Variants in TENM4 observed in about 807,000 individuals in gnomAD.
The protein encoded by TENM4 is teneurin transmembrane protein 4.
Under a neutral mutation model 243.3 loss-of-function variants are expected in TENM4, and 82 were observed. That is an observed-to-expected ratio of 0.34 (90% CI 0.28 to 0.40). The LOEUF is 0.40. Among genes scored for constraint, TENM4 ranks in the 10% least tolerant of loss-of-function variants. The pLI is 1.00. For missense variants in TENM4, 3,138 were observed against 3,673.3 expected (o/e 0.85, Z 3.77); for synonymous variants, 1,412 against 1,456.3 (o/e 0.97, Z 0.69).
chr11:78,910,231 A>G (rs1395829115), intron 6 of TENM4, among the ~76,000 whole-genome samples: 1 of 152,230 alleles, frequency 6.6e-6, no homozygotes, highest in Admixed American at 6.5e-5. Context: ...TCTCCTTGCT[A>G]CGGAGCTAAT....
At chr11:78,769,876 A>G (rs1424866616) in intron 18 of TENM4, among the ~76,000 whole-genome samples, 1 of 152,262 alleles carries the variant, frequency 6.6e-6, no homozygotes, top group Non-Finnish European at 1.5e-5. Flanking sequence ...AATAAACCAC[A>G]GAAATCACAA....
intron 7 of TENM4, among the ~76,000 whole-genome samples, chr11:78,894,269 G>A (rs1855737886): frequency 6.6e-6 from 1 of 152,140 alleles, no homozygotes; most frequent in Non-Finnish European, 1.5e-5. Context: ...TGCATGGCAT[G>A]CTCCCTAGAA....
rs767129747 is a variant in TENM4, at chr11:78,701,830, G to A, written c.4783C>T (p.His1595Tyr). The A allele has an allele frequency of 6.2e-7, 1 of 1,614,038 alleles. No homozygotes were observed. ...GTGGGCAGGCTTTGGGTGTACAGGT[G>A]CTTGCCGGTGGTATCAAACAGATAG... ...ELYLFDTTGK[H>Y]LYTQSLPTGD... Residue 1595 changes from histidine to tyrosine, a missense_variant, in exon 28 of 34, where the codon CAC becomes TAC. By Grantham distance (83) the His-to-Tyr change is moderately conservative. This residue lies in a region of TENM4 where 2,467 missense variants were observed against 3,059.1 expected (regional missense o/e 0.81). Coordinates refer to ENST00000278550, the MANE Select transcript of TENM4 (RefSeq NM_001098816.3).
At chr11:78,675,204 C>T (rs1434062401) in intron 30 of TENM4, among the ~76,000 whole-genome samples, 2 of 152,132 alleles carry the variant, frequency 1.3e-5, no homozygotes, top group Non-Finnish European at 2.9e-5. Context: ...CTATGAGACT[C>T]TGGAAAAATC....
At chr11:79,338,351 C>A (rs1857187897) in intron 1 of TENM4, among the ~76,000 whole-genome samples, 1 of 152,192 alleles carries the variant, frequency 6.6e-6, no homozygotes, top group South Asian at 2.1e-4. Context: ...TGAAAAGCAG[C>A]TGCTGTCAGC....
chr11:78,815,034 T>C (rs1857574997), intron 12 of TENM4, among the ~76,000 whole-genome samples: 1 of 152,144 alleles, frequency 6.6e-6, no homozygotes. Context: ...TTAAAACCCT[T>C]CAAGGGCTCC....
intron 12 of TENM4, among the ~76,000 whole-genome samples, chr11:78,824,036 G>C (rs934314503): frequency 6.6e-6 from 1 of 152,192 alleles, no homozygotes; most frequent in African/African-American, 2.4e-5. Context: ...CCGCTAATAA[G>C]TGACAGGGCC....
intron 6 of TENM4, among the ~76,000 whole-genome samples, chr11:78,919,653 G>C (rs114800106): frequency 0.013 from 1,906 of 152,244 alleles, 56 homozygotes; most frequent in African/African-American, 0.044. Context: ...GGGAAACAGG[G>C]TCAGGAGGGA....
chr11:78,934,238 T>C (rs1354657989), intron 6 of TENM4, among the ~76,000 whole-genome samples: 1 of 152,174 alleles, frequency 6.6e-6, no homozygotes, highest in African/African-American at 2.4e-5. Flanking sequence ...CATTTGTTCA[T>C]CTTTCCCAAT....
At position 78,670,559 on chromosome 11, in the gene TENM4, G is replaced by C. The variant is rs1406792397; in HGVS notation, c.5794-8C>G. The C allele has an allele frequency of 1.3e-6, 2 of 1,592,016 alleles. No homozygotes were observed. The highest frequency in any genetic ancestry group is 1.7e-6 in the Non-Finnish European group (2 of 1,168,216). The stretch of plus-strand genomic sequence containing the variant: ...TAGTAGCAGCACCATGGACTGGAGG[G>C]AGAGGAAAACCAAGAGATGAGAGGA... On this transcript the variant is annotated splice_region_variant and splice_polypyrimidine_tract_variant and intron_variant, in intron 31 of 33. Transcript: ENST00000278550.
At chr11:79,424,054 A>C (rs1389696100) in intron 1 of TENM4, among the ~76,000 whole-genome samples, 33 of 152,184 alleles carry the variant, frequency 2.2e-4, no homozygotes, top group Admixed American at 2.2e-3. Flanking sequence ...TCATACATTA[A>C]AAAAGATGGA....
chr11:79,115,442 T>A (rs1226517659), intron 4 of TENM4, among the ~76,000 whole-genome samples: 1 of 152,242 alleles, frequency 6.6e-6, no homozygotes, highest in African/African-American at 2.4e-5. Flanking sequence ...TACCATGGAC[T>A]AGCTCAGGTC....
intron 1 of TENM4, among the ~76,000 whole-genome samples, chr11:79,353,891 A>G (rs1441911898): frequency 6.6e-6 from 1 of 152,166 alleles, no homozygotes; most frequent in African/African-American, 2.4e-5. Flanking sequence ...CATAGCCTCT[A>G]TGGCTGCTTT....
At chr11:78,925,745 G>C (rs1251215611) in intron 6 of TENM4, among the ~76,000 whole-genome samples, 1 of 151,872 alleles carries the variant, frequency 6.6e-6, no homozygotes, top group Non-Finnish European at 1.5e-5. Flanking sequence ...GGCATTCAAG[G>C]TCCATTAAGA....
intron 1 of TENM4, among the ~76,000 whole-genome samples, chr11:79,379,267 A>G (rs987670988): frequency 2.0e-5 from 3 of 152,192 alleles, no homozygotes; most frequent in Admixed American, 2.0e-4. Context: ...AAAGTCAAAG[A>G]GCTACCTCCC....
chr11:78,793,349 C>G (rs573218486), intron 15 of TENM4, among the ~76,000 whole-genome samples: 1 of 152,188 alleles, frequency 6.6e-6, no homozygotes, highest in Non-Finnish European at 1.5e-5. Flanking sequence ...AAATTCCAGT[C>G]ATGTGGAAAC....
chr11:78,786,961 C>T lies in TENM4; in HGVS notation c.2302G>A (p.Gly768Arg). ...TCGCACTTGCCGTCGCGGCAGGTCC[C>T]ATGCTCGGCACAGCGCGGGTGGCAG... ...RACHPRCAEHGTCRDGKCECS... is the reference protein window; with the variant it reads ...RACHPRCAEHRTCRDGKCECS... The change falls in exon 16 of 34, where the codon GGG (glycine) becomes AGG (arginine). Residue 768 changes from glycine (G) to arginine (R), a missense_variant. Around this residue, in one of 2 missense-constraint regions of TENM4, gnomAD observed 2,467 missense variants for 3,059.1 expected, o/e 0.81. Transcript: ENST00000278550. 1 of 1,599,648 alleles carries T rather than the reference C, an allele frequency of 6.3e-7. No individual in the cohort carries two copies. The highest frequency in any genetic ancestry group is 8.5e-7 in the Non-Finnish European group (1 of 1,173,750).
At chr11:79,116,095 C>T (rs1323593859) in intron 4 of TENM4, among the ~76,000 whole-genome samples, 1 of 152,160 alleles carries the variant, frequency 6.6e-6, no homozygotes, top group Non-Finnish European at 1.5e-5. Context: ...AGCAGAATAA[C>T]AATATATTAA....
intron 2 of TENM4, among the ~76,000 whole-genome samples, chr11:79,264,414 C>G (rs1207036333): frequency 1.3e-5 from 2 of 152,182 alleles, no homozygotes; most frequent in Non-Finnish European, 2.9e-5. Context: ...AATACTTGAG[C>G]CTGGCAATCT....
Sources: allele counts gnomAD v4.1 joint callset (sites outside exome capture counted in the v4.1 genomes callset), GRCh38; gene constraint gnomAD v4.1.1; regional missense constraint gnomAD v4.1.1; transcripts MANE v1.5; gene names NCBI Gene and HGNC (gene_info 2026-07-23, HGNC 2026-07-21).